The following LPP variants were observed in gnomAD, a reference collection of about 807,000 sequenced individuals.
LPP encodes LIM domain containing preferred translocation partner in lipoma.
A neutral mutation model predicts 60.4 loss-of-function variants in LPP; 38 were observed. The observed-to-expected ratio is 0.63, with a 90% CI of 0.49 to 0.83. The LOEUF (loss-of-function observed/expected upper bound fraction) is 0.83, where lower values mean the gene tolerates loss of function less well. Ranked by LOEUF, LPP falls within the 40% of genes least tolerant of loss-of-function variation. The pLI is 0.00. For synonymous variants in LPP, 328 were observed against 290.8 expected (o/e 1.13, Z -1.30); for missense variants, 902 against 783.6 (o/e 1.15, Z -1.80).
At chr3:188,288,858 G>A (rs1200502060) in intron 2 of LPP, among the ~76,000 whole-genome samples, 1 of 63,124 alleles carries the variant, frequency 1.6e-5, no homozygotes, top group Non-Finnish European at 3.1e-5. Flanking sequence ...GCTAGCAACT[G>A]TATCAGGAAA....
At position 188,217,192 on chromosome 3, in the gene LPP, G is replaced by A. The variant is rs1311026156; in HGVS notation, c.-189-8213G>A. Among the ~76,000 whole-genome samples the A allele has an allele frequency of 1.3e-5, 2 of 152,214 alleles. No individual in the cohort carries two copies. The highest frequency in any genetic ancestry group is 2.9e-5 in the Non-Finnish European group (2 of 68,042). ...GTGAGTGAGTGGGGAAGGACTCTGG[G>A]AGGTTATGTTTAAGCTGAGATCTGA... On this transcript the variant is annotated intron_variant, in intron 1 of 11. Coordinates refer to ENST00000617246, the MANE Select transcript of LPP (RefSeq NM_001375462.1). The surrounding 1 kb of genome is among the most constrained non-coding windows in gnomAD (Gnocchi z 4.0).
rs1755055131 is a variant in LPP at position 188,825,192 on chromosome 3, G to GTGAC, written c.1411-41007_1411-41004dup. Among the ~76,000 whole-genome samples, 4 of 151,754 alleles carry GTGAC rather than the reference G, an allele frequency of 2.6e-5. No individual in the cohort carries two copies. In the South Asian group the frequency reaches 8.3e-4, roughly 31 times the overall value. ...GTCATTATGGTAAAGTCATAGAATAGTGACCATCTGTGCTGCCTTTGTCTT... is the reference window on the plus strand; with the variant it reads ...GTCATTATGGTAAAGTCATAGAATAGTGACTGACCATCTGTGCTGCCTTTGTCTT... On this transcript the variant is annotated intron_variant, in intron 9 of 11. Coordinates refer to ENST00000617246, the MANE Select transcript of LPP (RefSeq NM_001375462.1).
At chr3:188,516,517 A>G (rs1432196140) in intron 5 of LPP, among the ~76,000 whole-genome samples, 1 of 151,992 alleles carries the variant, frequency 6.6e-6, no homozygotes, top group Non-Finnish European at 1.5e-5. Context: ...TCATGGCATC[A>G]TTAACCATAT....
At chr3:188,261,211 C>T (rs377181768) in intron 2 of LPP, among the ~76,000 whole-genome samples, 14 of 152,300 alleles carry the variant, frequency 9.2e-5, no homozygotes, top group Middle Eastern at 3.4e-3. Flanking sequence ...TGCAGCAGCA[C>T]GATTATGGCT....
intron 2 of LPP, among the ~76,000 whole-genome samples, chr3:188,227,706 C>T (rs904569564): frequency 1.3e-5 from 2 of 152,120 alleles, no homozygotes; most frequent in African/African-American, 4.8e-5. Context: ...GGGCTTCATC[C>T]TTGGAATGTT....
intron 4 of LPP, among the ~76,000 whole-genome samples, chr3:188,447,984 G>A (rs1795672800): frequency 6.6e-6 from 1 of 152,128 alleles, no homozygotes; most frequent in African/African-American, 2.4e-5. Flanking sequence ...AGAGTAGATT[G>A]GAGGTTGTTT....
intron 7 of LPP, among the ~76,000 whole-genome samples, chr3:188,637,873 T>A (rs1315125533): frequency 6.6e-6 from 1 of 151,448 alleles, no homozygotes. Flanking sequence ...CAATAATCAA[T>A]AGCTTACCAA....
chr3:188,425,072 G>A (rs2149081789), intron 4 of LPP, among the ~76,000 whole-genome samples: 1 of 152,232 alleles, frequency 6.6e-6, no homozygotes, highest in East Asian at 1.9e-4. Flanking sequence ...TATGATATTG[G>A]CTGTGGGTTT....
intron 1 of LPP, among the ~76,000 whole-genome samples, chr3:188,188,607 A>T (rs905916921): frequency 9.2e-5 from 14 of 152,008 alleles, no homozygotes; most frequent in African/African-American, 3.4e-4. Flanking sequence ...CTCAAAGAGG[A>T]ATTCCCATTG....
At chr3:188,240,805 C>G (rs1724290657) in intron 2 of LPP, among the ~76,000 whole-genome samples, 1 of 152,068 alleles carries the variant, frequency 6.6e-6, no homozygotes, top group African/African-American at 2.4e-5. Flanking sequence ...CCTCGGCGAC[C>G]TGAGCAGACA....
intron 1 of LPP, chr3:188,213,027 A>G (rs1331544303): frequency 6.6e-6 from 1 of 152,114 alleles, no homozygotes; most frequent in Non-Finnish European, 1.5e-5. Context: ...GAAAAATTAT[A>G]TTTGTATATT....
intron 9 of LPP, among the ~76,000 whole-genome samples, chr3:188,831,458 C>G (rs933907789): frequency 6.6e-6 from 1 of 152,176 alleles, no homozygotes; most frequent in African/African-American, 2.4e-5. Flanking sequence ...CCCAGTCCCA[C>G]TTGCCTCAAT....
intron 7 of LPP, chr3:188,688,875 T>C (rs1224561608): frequency 1.9e-6 from 1 of 517,770 alleles, no homozygotes; most frequent in South Asian, 1.5e-5. Flanking sequence ...CTTTCGTTCA[T>C]CTGAAAAAGA....
intron 9 of LPP, among the ~76,000 whole-genome samples, chr3:188,780,757 C>T (rs1031792336): frequency 1.3e-5 from 2 of 152,196 alleles, no homozygotes; most frequent in Non-Finnish European, 2.9e-5. Flanking sequence ...TACATTGTTT[C>T]TGGATCCATG....
intron 4 of LPP, among the ~76,000 whole-genome samples, chr3:188,418,589 A>G (rs888959581): frequency 6.6e-6 from 1 of 152,196 alleles, no homozygotes; most frequent in Non-Finnish European, 1.5e-5. Flanking sequence ...CTTGTATTAA[A>G]TGAAATAATT....
intron 7 of LPP, among the ~76,000 whole-genome samples, chr3:188,695,098 A>G (rs923556159): frequency 2.0e-5 from 3 of 152,226 alleles, no homozygotes; most frequent in African/African-American, 7.2e-5. Context: ...AATAGAAGCC[A>G]CCTAATATGG....
intron 7 of LPP, among the ~76,000 whole-genome samples, chr3:188,642,357 A>G (rs1850315869): frequency 6.6e-6 from 1 of 152,210 alleles, no homozygotes; most frequent in South Asian, 2.1e-4. Flanking sequence ...CAGACACTAT[A>G]AAGATGGAGC....
intron 7 of LPP, among the ~76,000 whole-genome samples, chr3:188,641,506 C>A (rs1850116619): frequency 6.6e-6 from 1 of 152,112 alleles, no homozygotes; most frequent in African/African-American, 2.4e-5. Context: ...ATGTTATGTT[C>A]AGCACAGTAA....
chr3:188,748,652 G>A (rs917952741), intron 8 of LPP, among the ~76,000 whole-genome samples: 1 of 151,922 alleles, frequency 6.6e-6, no homozygotes, highest in African/African-American at 2.4e-5. Context: ...GCATGGTGAC[G>A]TGCGCCTGTA....
Sources: allele counts gnomAD v4.1 joint callset (sites outside exome capture counted in the v4.1 genomes callset), GRCh38; gene constraint gnomAD v4.1.1; non-coding constraint Gnocchi (gnomAD v3.1); transcripts MANE v1.5; gene names NCBI Gene and HGNC (gene_info 2026-07-23, HGNC 2026-07-21).